Variants in EPHX2 observed in about 807,000 individuals in gnomAD.
EPHX2 encodes the protein epoxide hydrolase 2.
A neutral mutation model predicts 78.7 loss-of-function variants in EPHX2; 74 were observed. The ratio of observed to expected loss-of-function variants is 0.94; its 90% confidence interval spans 0.78 to 1.14. The LOEUF (loss-of-function observed/expected upper bound fraction) is 1.14. Ranked by LOEUF, EPHX2 falls within the 50% of genes most tolerant of loss-of-function variation. The probability of loss-of-function intolerance (pLI) is 0.00; values close to 1 mark genes in which losing one functional copy is unlikely to be tolerated. For missense variants in EPHX2, 715 were observed against 702.5 expected (o/e 1.02, Z -0.20); for synonymous variants, 251 against 255.2 (o/e 0.98, Z 0.16).
intron 5 of EPHX2, among the ~76,000 whole-genome samples, chr8:27,509,801 A>G (rs981836532): frequency 6.6e-6 from 1 of 152,238 alleles, no homozygotes; most frequent in Non-Finnish European, 1.5e-5. Context: ...TGTTTCTCAG[A>G]GGAAGGCAGT....
rs746832607 is a variant in EPHX2 at position 27,525,480 on chromosome 8, A to G, written c.1170+7A>G. The G allele has an allele frequency of 4.3e-6, 7 of 1,609,358 alleles. No homozygotes were observed. ...GCTCTACTTCCAAGAACCAGTAAGT[A>G]TGGCACCAAGGGCAACAATGGGAGC... On this transcript the variant is annotated splice_region_variant and intron_variant, in intron 12 of 18. Transcript: ENST00000521400.
chr8:27,504,942 G>A lies in EPHX2; in HGVS notation c.347-14G>A, dbSNP rs1387341764. The A allele has an allele frequency of 6.2e-7, 1 of 1,613,348 alleles. No individual in the cohort carries two copies. The highest frequency in any genetic ancestry group is 2.2e-5 in the East Asian group (1 of 44,878). Reference sequence around the variant, plus strand: ...GTCTGTAGCTGGTCTATCTACTGGTGGCTTTTTGCTCAGGATTCACTACTG... The same window carrying A: ...GTCTGTAGCTGGTCTATCTACTGGTAGCTTTTTGCTCAGGATTCACTACTG... On this transcript the variant is annotated splice_polypyrimidine_tract_variant and intron_variant, in intron 3 of 18. Transcript: ENST00000521400.
intron 3 of EPHX2, among the ~76,000 whole-genome samples, chr8:27,504,587 A>G (rs1386763827): frequency 6.6e-6 from 1 of 152,060 alleles, no homozygotes; most frequent in African/African-American, 2.4e-5. Flanking sequence ...AACTTGTCTG[A>G]GCTTGTTTGC....
At chr8:27,543,318 T>C (rs1016379046) in intron 16 of EPHX2, among the ~76,000 whole-genome samples, 2 of 152,122 alleles carry the variant, frequency 1.3e-5, no homozygotes, top group Non-Finnish European at 2.9e-5. Context: ...GTTCAACTCA[T>C]TTGCCAGCAA....
At position 27,540,576 on chromosome 8, in the gene EPHX2, A is replaced by C. The variant is rs145892503; in HGVS notation, c.1299A>C (p.Pro433=). The C allele has an allele frequency of 2.1e-4, 343 of 1,614,070 alleles. No homozygotes were observed. The highest frequency in any genetic ancestry group is 2.5e-4 in the Non-Finnish European group (300 of 1,180,024). ...CEAGGLFVNS[P]EEPSLSRMVT... is the part of the protein sequence containing the mutation. ...CAGGAGGACTTTTTGTAAATAGCCCAGAAGAGCCCAGCCTCAGCAGGATGG... is the reference window on the plus strand; with the variant it reads ...CAGGAGGACTTTTTGTAAATAGCCCCGAAGAGCCCAGCCTCAGCAGGATGG... Residue 433 remains proline (P), a synonymous_variant, in exon 15 of 19, where the codon CCA becomes CCC. Transcript: ENST00000521400.
At chr8:27,503,836 T>G in intron 3 of EPHX2, 73 bp downstream of exon 3, 5 of 1,507,818 alleles carry the variant, frequency 3.3e-6, no homozygotes, top group Non-Finnish European at 4.4e-6. Context: ...CAGAATCCAT[T>G]GAAGTGAGCT....
chr8:27,510,126 T>G (rs1814184247), intron 5 of EPHX2, among the ~76,000 whole-genome samples: 1 of 152,198 alleles, frequency 6.6e-6, no homozygotes, highest in South Asian at 2.1e-4. Context: ...TGTCCCCCTC[T>G]GCAGAGTCTT....
downstream of EPHX2, among the ~76,000 whole-genome samples, chr8:27,546,196 C>T (rs183924740): frequency 4.5e-4 from 69 of 152,108 alleles, 1 homozygote; most frequent in Non-Finnish European, 8.2e-4. Flanking sequence ...GTTAGGCCTC[C>T]GGTCAGCTGC....
intron 12 of EPHX2, among the ~76,000 whole-genome samples, chr8:27,531,601 C>T (rs1352025359): frequency 3.3e-5 from 5 of 152,176 alleles, no homozygotes; most frequent in South Asian, 4.1e-4. Context: ...TGGCCCAGCC[C>T]GCTGACCAGC....
chr8:27,547,817 T>C (rs1352017827), downstream of EPHX2, among the ~76,000 whole-genome samples: 1 of 152,234 alleles, frequency 6.6e-6, no homozygotes, highest in Non-Finnish European at 1.5e-5. Context: ...TTTCACTTTC[T>C]GTTTCTGGCT....
At position 27,500,216 on chromosome 8, in the gene EPHX2, G is replaced by T. The variant is rs1813713616; in HGVS notation, c.102-710G>T. On this transcript the variant is annotated intron_variant, in intron 1 of 18. Transcript: ENST00000521400. The stretch of plus-strand genomic sequence containing the variant: ...CGTGATGTTGAGTGAGTTCTCATGA[G>T]ATCTAGTTGTTTATAAAAGTGTGTA... Among the ~76,000 whole-genome samples the T allele has an allele frequency of 2.0e-5, 3 of 152,068 alleles. No individual in the cohort carries two copies. The South Asian group carries it at 6.2e-4, about 32-fold the overall frequency.
chr8:27,496,396 A>C (rs1313797432), intron 1 of EPHX2, among the ~76,000 whole-genome samples: 1 of 152,180 alleles, frequency 6.6e-6, no homozygotes, highest in Non-Finnish European at 1.5e-5. Context: ...CATCCACGAA[A>C]GTTGGGACGT....
rs1813889629 is a variant in EPHX2 at position 27,503,758 on chromosome 8, A to G, written c.341A>G (p.Lys114Arg). The G allele has an allele frequency of 1.9e-6, 3 of 1,611,108 alleles. No individual in the cohort carries two copies. Among genetic ancestry groups the G allele is most frequent in the Non-Finnish European group, 2.5e-6 (3 of 1,179,886 alleles). The change falls in exon 3 of 19, where the codon AAG becomes AGG. Residue 114 changes from lysine to arginine, a missense_variant. Lys to Arg is a conservative substitution (Grantham distance 26). Transcript: ENST00000521400. ...PMLQAALMLR[K>R]KGFTTAILTN... ...CTCCAGGCAGCTCTCATGCTCAGGA[A>G]GAAAGGTAAGGATCTGATACTGGCC...
At chr8:27,536,230 C>T (rs1311364446) in intron 12 of EPHX2, among the ~76,000 whole-genome samples, 11 of 152,144 alleles carry the variant, frequency 7.2e-5, no homozygotes, top group Non-Finnish European at 1.2e-4. Flanking sequence ...AGACCCAAGT[C>T]AAAGGAGTTG....
At chr8:27,510,224 G>T (rs77413904) in intron 5 of EPHX2, among the ~76,000 whole-genome samples, 1 of 152,156 alleles carries the variant, frequency 6.6e-6, no homozygotes, top group Non-Finnish European at 1.5e-5. Context: ...TGAATTTTTC[G>T]TTGGGTTACG....
In EPHX2 at chr8:27,491,200, C is replaced by G. The variant is rs776066069; in HGVS notation, c.-9C>G. 9 of 1,573,844 alleles carry G rather than the reference C, an allele frequency of 5.7e-6. No individual in the cohort carries two copies. The Admixed American group carries it at 1.2e-4, about 21-fold the overall frequency. ...GCGTGTCCGGGTGCTAGGCTGCAGA[C>G]CCGCCGCCATGACGCTGCGCGCGGC... On this transcript the variant is annotated 5_prime_UTR_variant, in exon 1 of 19. Coordinates refer to ENST00000521400, the MANE Select transcript of EPHX2 (RefSeq NM_001979.6).
At chr8:27,543,627 G>A in intron 16 of EPHX2, 122 bp from the exon 17 acceptor site, 1 of 923,096 alleles carries the variant, frequency 1.1e-6, no homozygotes, top group South Asian at 1.6e-5. Flanking sequence ...AGTCTGTTGT[G>A]CAAAGTTCGG....
intron 11 of EPHX2, among the ~76,000 whole-genome samples, chr8:27,523,537 G>A (rs951437753): frequency 2.0e-5 from 3 of 152,220 alleles, no homozygotes; most frequent in Non-Finnish European, 4.4e-5. Flanking sequence ...AACTAACCCA[G>A]TTATTTTGTA....
rs1563343109 is a variant in EPHX2 at position 27,505,160 on chromosome 8, TC to T, written c.537+16del. ...AGCCCCAGTGAGGTACGGAGACACT[TC>T]CTTATGGCAGAGAAGGATGTTCAGA... is the stretch of plus-strand genomic sequence containing the variant. On this transcript the variant is annotated intron_variant, in intron 4 of 18. Transcript: ENST00000521400. The T allele has an allele frequency of 1.2e-6, 2 of 1,613,170 alleles. No homozygotes were observed. The highest frequency in any genetic ancestry group is 1.7e-6 in the Non-Finnish European group (2 of 1,179,574).
Sources: allele counts gnomAD v4.1 joint callset (sites outside exome capture counted in the v4.1 genomes callset), GRCh38; gene constraint gnomAD v4.1.1; transcripts MANE v1.5; gene names NCBI Gene and HGNC (gene_info 2026-07-23, HGNC 2026-07-21).